The following ADAMTS17 variants were observed in gnomAD, a reference collection of about 807,000 sequenced individuals.
The protein encoded by ADAMTS17 is A disintegrin and metalloproteinase with thrombospondin motifs 17.
ADAMTS17 carries 113 observed loss-of-function variants against 141.5 expected under a neutral mutation model. The ratio of observed to expected loss-of-function variants is 0.80; its 90% CI spans 0.69 to 0.93. The LOEUF (loss-of-function observed/expected upper bound fraction) is 0.93, where lower values mean the gene tolerates loss of function less well. ADAMTS17 is among the 40% of genes least tolerant of loss of function. ADAMTS17 has a pLI of 0.00. For missense variants in ADAMTS17, 1,659 were observed against 1,517.9 expected, an observed-to-expected ratio of 1.09 and a Z score of -1.54; for synonymous variants, 768 against 630.6, an observed-to-expected ratio of 1.22 and a Z score of -3.27.
intron 11 of ADAMTS17, among the ~76,000 whole-genome samples, chr15:100,132,999 T>C (rs937987012): frequency 6.6e-6 from 1 of 152,214 alleles, no homozygotes; most frequent in Admixed American, 6.5e-5. Flanking sequence ...CTAACAAAAA[T>C]ATTAAGTAAA....
intron 18 of ADAMTS17, among the ~76,000 whole-genome samples, chr15:100,005,597 C>G (rs1362686079): frequency 6.6e-6 from 1 of 152,166 alleles, no homozygotes; most frequent in Non-Finnish European, 1.5e-5. Context: ...GTGATGACCC[C>G]AGACTCACCC....
chr15:100,212,105 C>T (rs979252968), intron 7 of ADAMTS17, among the ~76,000 whole-genome samples: 7 of 152,146 alleles, frequency 4.6e-5, no homozygotes, highest in East Asian at 1.9e-4. Context: ...TGCATGTGCA[C>T]GTACCACCAC....
intron 6 of ADAMTS17, among the ~76,000 whole-genome samples, chr15:100,254,386 C>A (rs895141578): frequency 1.3e-5 from 2 of 152,190 alleles, no homozygotes; most frequent in African/African-American, 4.8e-5. Context: ...CACATGAGAA[C>A]CTTCTTTTAC....
At chr15:100,076,603 T>C (rs1040140710) in intron 15 of ADAMTS17, among the ~76,000 whole-genome samples, 1 of 152,170 alleles carries the variant, frequency 6.6e-6, no homozygotes, top group Admixed American at 6.5e-5. Context: ...TAGGGAGAAA[T>C]AGCACAGTGT....
At position 100,087,393 on chromosome 15, in the gene ADAMTS17, G is replaced by A. The variant is rs559777155; in HGVS notation, c.2137+8963C>T. Among the ~76,000 whole-genome samples, 1,275 of 152,190 alleles carry A rather than the reference G, an allele frequency of 8.4e-3. 12 individuals carry two copies. Among genetic ancestry groups the A allele is most frequent in the Non-Finnish European group, 0.014 (943 of 68,008 alleles). On this transcript the variant is annotated intron_variant, in intron 15 of 21. Coordinates refer to ENST00000268070, the MANE Select transcript of ADAMTS17 (RefSeq NM_139057.4). ...TCCAGGACCAGATGGATTCACAGCC[G>A]AATTCTACCAGAGGTACAAGGAGGA...
chr15:100,029,791 G>A (rs1042643853), intron 18 of ADAMTS17, among the ~76,000 whole-genome samples: 2 of 152,194 alleles, frequency 1.3e-5, no homozygotes, highest in African/African-American at 4.8e-5. Context: ...TTTCCACCAT[G>A]CTTTCTGAGT....
chr15:100,307,582 GA>G (rs1431828171), intron 3 of ADAMTS17, among the ~76,000 whole-genome samples: 1 of 152,232 alleles, frequency 6.6e-6, no homozygotes, highest in Non-Finnish European at 1.5e-5. Context: ...GAGATGGAGA[GA>G]GGGCTAAGCA....
At chr15:100,141,270 T>C (rs957514799) in intron 10 of ADAMTS17, among the ~76,000 whole-genome samples, 14 of 152,282 alleles carry the variant, frequency 9.2e-5, no homozygotes, top group South Asian at 4.1e-4. Context: ...GATGGCACCA[T>C]TGCTCACGTA....
chr15:100,287,433 A>ATC (rs2044483170), intron 3 of ADAMTS17, among the ~76,000 whole-genome samples: 2 of 152,192 alleles, frequency 1.3e-5, no homozygotes, highest in South Asian at 4.1e-4. Flanking sequence ...AAAGAGAAGG[A>ATC]GAGAAAGCAA....
intron 14 of ADAMTS17, 100 bp from the exon 15 acceptor site, chr15:100,096,576 A>G (rs1336306176): frequency 6.5e-7 from 1 of 1,535,010 alleles, no homozygotes; most frequent in Non-Finnish European, 9.0e-7. Context: ...TGCAGCATAC[A>G]TGGGGCCTGG....
Position 100,308,851 on chromosome 15 carries a change from C to T in ADAMTS17, c.616+22038G>A, listed in dbSNP as rs141727603. Among the ~76,000 whole-genome samples the T allele has an allele frequency of 4.4e-3, 664 of 152,222 alleles. 12 individuals are homozygous for T. Among genetic ancestry groups the T allele is most frequent in the Admixed American group, 0.037 (565 of 15,284 alleles). ...CACAACTGGGCATATCTTGGGGTTT[C>T]GTGCCCTGGTCAGATGAGGTGAGAA... is the stretch of plus-strand genomic sequence containing the variant. On this transcript the variant is annotated intron_variant, in intron 3 of 21. Coordinates refer to ENST00000268070, the MANE Select transcript of ADAMTS17 (RefSeq NM_139057.4).
At chr15:100,106,826 G>A (rs1486339653) in intron 14 of ADAMTS17, among the ~76,000 whole-genome samples, 2 of 152,218 alleles carry the variant, frequency 1.3e-5, no homozygotes, top group African/African-American at 2.4e-5. Context: ...AACCATCGGC[G>A]ATGCCTCATT....
chr15:100,248,560 G>A (rs1445892214), intron 7 of ADAMTS17, among the ~76,000 whole-genome samples: 1 of 152,206 alleles, frequency 6.6e-6, no homozygotes, highest in Non-Finnish European at 1.5e-5. Context: ...GACAGCTCTG[G>A]ATGAAGAATT....
chr15:100,020,487 T>A (rs894718899), intron 18 of ADAMTS17, among the ~76,000 whole-genome samples: 1 of 152,008 alleles, frequency 6.6e-6, no homozygotes, highest in African/African-American at 2.4e-5. Flanking sequence ...TCTGCCTGAA[T>A]CCCCACCCAC....
chr15:99,982,000 G>C (rs1366927951), intron 20 of ADAMTS17, among the ~76,000 whole-genome samples: 1 of 152,196 alleles, frequency 6.6e-6, no homozygotes, highest in East Asian at 1.9e-4. Context: ...GTGCCTGTTG[G>C]CATGCTACGT....
chr15:100,249,571 A>T (rs142223622), intron 7 of ADAMTS17, among the ~76,000 whole-genome samples: 127 of 152,292 alleles, frequency 8.3e-4, no homozygotes, highest in African/African-American at 3.0e-3. Flanking sequence ...AGGCCTTGCC[A>T]CTAACTTCTA....
At chr15:100,214,146 T>C (rs554757654) in intron 7 of ADAMTS17, among the ~76,000 whole-genome samples, 161 of 152,212 alleles carry the variant, frequency 1.1e-3, no homozygotes, top group Non-Finnish European at 1.7e-3. Flanking sequence ...GTAGCTCCCA[T>C]GTGGAAGAGT....
intron 3 of ADAMTS17, among the ~76,000 whole-genome samples, chr15:100,314,657 G>C (rs572054621): frequency 6.6e-6 from 1 of 152,332 alleles, no homozygotes; most frequent in East Asian, 1.9e-4. Flanking sequence ...GGATAACAGA[G>C]CAAAGAGTTA....
At chr15:100,341,008 C>G (rs773041501) in intron 2 of ADAMTS17, 31 bp downstream of exon 2, 30 of 1,523,962 alleles carry the variant, frequency 2.0e-5, no homozygotes, top group Non-Finnish European at 2.6e-5. Context: ...ACAGACCGGA[C>G]GGGCCGACCC....
Sources: allele counts gnomAD v4.1 joint callset (sites outside exome capture counted in the v4.1 genomes callset), GRCh38; gene constraint gnomAD v4.1.1; transcripts MANE v1.5; gene names NCBI Gene and HGNC (gene_info 2026-07-23, HGNC 2026-07-21).